Variants in FAM171A1 observed in about 807,000 individuals in gnomAD.
The protein encoded by FAM171A1 is protein FAM171A1.
FAM171A1 carries 23 observed loss-of-function variants against 74.9 expected under a neutral mutation model. The observed-to-expected ratio is 0.31, with a 90% CI of 0.22 to 0.44. The LOEUF is 0.44. FAM171A1 is among the 20% of genes least tolerant of loss of function. FAM171A1 has a pLI of 1.00. For missense variants in FAM171A1, 1,162 were observed against 1,159.2 expected, an observed-to-expected ratio of 1.00 and a Z score of -0.03; for synonymous variants, 527 against 505.7, an observed-to-expected ratio of 1.04 and a Z score of -0.57.
intron 1 of FAM171A1, among the ~76,000 whole-genome samples, chr10:15,351,402 G>A (rs1214492857): frequency 1.3e-5 from 2 of 152,138 alleles, no homozygotes; most frequent in East Asian, 3.9e-4. Context: ...ATGACTTTGA[G>A]CACCTTTTCT....
At chr10:15,274,150 C>T (rs2131797682) in intron 3 of FAM171A1, among the ~76,000 whole-genome samples, 1 of 152,250 alleles carries the variant, frequency 6.6e-6, no homozygotes, top group East Asian at 1.9e-4. Flanking sequence ...CGTCTCAGCC[C>T]AAAATCTCCT....
At chr10:15,366,724 T>C (rs991310474) in intron 1 of FAM171A1, among the ~76,000 whole-genome samples, 9 of 152,348 alleles carry the variant, frequency 5.9e-5, no homozygotes, top group Middle Eastern at 3.4e-3. Context: ...GATACAGCAT[T>C]ATACATACCT....
At chr10:15,312,685 T>TG (rs1835377020) in intron 1 of FAM171A1, among the ~76,000 whole-genome samples, 3 of 64,076 alleles carry the variant, frequency 4.7e-5, no homozygotes, top group Admixed American at 1.7e-4. Flanking sequence ...TTTTTTTTTT[T>TG]TTTTTTTTTT....
intron 4 of FAM171A1, among the ~76,000 whole-genome samples, chr10:15,254,315 C>T (rs1479430840): frequency 6.6e-6 from 1 of 152,100 alleles, no homozygotes; most frequent in African/African-American, 2.4e-5. Context: ...CCAGCCCCAC[C>T]CACCCACAGG....
intron 2 of FAM171A1, among the ~76,000 whole-genome samples, chr10:15,278,736 C>T (rs1383293188): frequency 1.3e-5 from 2 of 152,084 alleles, no homozygotes; most frequent in Admixed American, 1.3e-4. Context: ...TTAGTGGTTG[C>T]CAGGGGCTGG....
intron 3 of FAM171A1, among the ~76,000 whole-genome samples, chr10:15,268,324 C>T (rs2131788357): frequency 6.6e-6 from 1 of 152,224 alleles, no homozygotes; most frequent in Non-Finnish European, 1.5e-5. Flanking sequence ...CCGTTAAAAA[C>T]CTACTGCAGT....
Position 15,235,581 on chromosome 10 carries a change from G to A in FAM171A1, c.754+13058C>T, listed in dbSNP as rs531958875. Among the ~76,000 whole-genome samples the A allele has an allele frequency of 1.8e-4, 28 of 152,120 alleles. 2 individuals carry two copies. The South Asian group carries it at 5.8e-3, about 32-fold the overall frequency. ...CACCTGTCCTTATTATGCTGGTGTT[G>A]TATCATTTGTATATTACATTTACCA... is the stretch of plus-strand genomic sequence containing the variant. On this transcript the variant is annotated intron_variant, in intron 5 of 7. Coordinates refer to ENST00000378116, the MANE Select transcript of FAM171A1 (RefSeq NM_001010924.2).
At chr10:15,275,814 T>C in intron 3 of FAM171A1, 41 bp downstream of exon 3, 1 of 1,336,786 alleles carries the variant, frequency 7.5e-7, no homozygotes, top group Non-Finnish European at 1.1e-6. Flanking sequence ...AATGTATCCA[T>C]CAAAAATAAC....
In FAM171A1 at chr10:15,225,582, C is replaced by A. The variant is rs770275407; in HGVS notation, c.755-4522G>T. 5.3e-5 allele frequency among the ~76,000 whole-genome samples: 8 copies of A among 152,198 alleles called. No individual in the cohort carries two copies. In the East Asian group the frequency reaches 1.3e-3, roughly 26 times the overall value. On this transcript the variant is annotated intron_variant, in intron 5 of 7. Transcript: ENST00000378116. ...TCCTGATGCCACTGTGGGATGCAGA[C>A]AGTTTCACCACCGGAGCAGCGGGCA...
chr10:15,319,292 C>T (rs1402640316), intron 1 of FAM171A1, among the ~76,000 whole-genome samples: 1 of 152,160 alleles, frequency 6.6e-6, no homozygotes, highest in Non-Finnish European at 1.5e-5. Flanking sequence ...TCCTTCCCCT[C>T]CCCCAATTAC....
At chr10:15,278,987 C>T (rs557711013) in intron 2 of FAM171A1, among the ~76,000 whole-genome samples, 16 of 152,224 alleles carry the variant, frequency 1.1e-4, no homozygotes, top group South Asian at 4.1e-4. Context: ...CCTCAAAACC[C>T]GGGCTAGGGT....
chr10:15,331,821 ATATAT>A (rs1487764524), intron 1 of FAM171A1, among the ~76,000 whole-genome samples: 10 of 101,880 alleles, frequency 9.8e-5, no homozygotes, highest in African/African-American at 3.0e-4. Context: ...ATGTGGGTAT[ATATAT>A]GTGTGTATAT....
intron 1 of FAM171A1, among the ~76,000 whole-genome samples, chr10:15,316,159 A>G (rs1283257588): frequency 2.0e-5 from 3 of 152,208 alleles, no homozygotes; most frequent in Non-Finnish European, 4.4e-5. Flanking sequence ...TTTTGAACTC[A>G]CAGGTTGTTT....
At chr10:15,268,557 C>T (rs1489813427) in intron 3 of FAM171A1, among the ~76,000 whole-genome samples, 1 of 151,930 alleles carries the variant, frequency 6.6e-6, no homozygotes. Flanking sequence ...GTTGGAGGTG[C>T]CTGACAGGCC....
chr10:15,304,946 C>T (rs1835275700), intron 1 of FAM171A1, among the ~76,000 whole-genome samples: 1 of 152,114 alleles, frequency 6.6e-6, no homozygotes, highest in South Asian at 2.1e-4. Context: ...GTTGGTCATG[C>T]TGGTCTCAAA....
chr10:15,363,248 A>G (rs1836017954), intron 1 of FAM171A1, among the ~76,000 whole-genome samples: 1 of 152,250 alleles, frequency 6.6e-6, no homozygotes, highest in African/African-American at 2.4e-5. Flanking sequence ...TTCGGGCAAA[A>G]GGGACATACT....
intron 1 of FAM171A1, among the ~76,000 whole-genome samples, chr10:15,317,757 T>C (rs1173409686): frequency 6.6e-6 from 1 of 152,114 alleles, no homozygotes; most frequent in African/African-American, 2.4e-5. Flanking sequence ...CCCACTAGGG[T>C]CCATGCTCAA....
At chr10:15,334,818 A>G (rs1228701124) in intron 1 of FAM171A1, among the ~76,000 whole-genome samples, 1 of 152,254 alleles carries the variant, frequency 6.6e-6, no homozygotes, top group Admixed American at 6.5e-5. Context: ...TGGAGACAGT[A>G]GCTGAATACA....
At chr10:15,323,288 A>T (rs1199613609) in intron 1 of FAM171A1, among the ~76,000 whole-genome samples, 1 of 152,054 alleles carries the variant, frequency 6.6e-6, no homozygotes, top group African/African-American at 2.4e-5. Flanking sequence ...CCCCGCCTCT[A>T]CTAAAAATAC....
Sources: gnomAD v4.1 joint callset for allele counts (sites outside exome capture counted in the v4.1 genomes callset) on GRCh38, gnomAD v4.1.1 for gene constraint, MANE v1.5 for transcripts, NCBI Gene and HGNC (gene_info 2026-07-23, HGNC 2026-07-21) for gene names.